The following AMPH variants were observed in gnomAD, a reference collection of about 807,000 sequenced individuals.
AMPH encodes the protein amphiphysin, also known as amphiphysin (Stiff-Mann syndrome with breast cancer 128kD autoantigen).
In AMPH, 49 loss-of-function variants were observed where a neutral mutation model predicts 99.1. That is an observed-to-expected ratio of 0.49 (90% CI 0.39 to 0.63). The LOEUF (loss-of-function observed/expected upper bound fraction) is 0.63. Ranked by LOEUF, AMPH falls within the 20% of genes least tolerant of loss-of-function variation. AMPH has a pLI of 0.00. For synonymous variants in AMPH, 314 were observed against 317.3 expected (o/e 0.99, Z 0.11); for missense variants, 759 against 863.4 (o/e 0.88, Z 1.52).
At chr7:38,530,623 T>G (rs1305963162) in intron 2 of AMPH, among the ~76,000 whole-genome samples, 1 of 152,192 alleles carries the variant, frequency 6.6e-6, no homozygotes. Context: ...TTAGCACACT[T>G]GCCACAGGTG....
At chr7:38,543,012 T>G (rs988469018) in intron 1 of AMPH, among the ~76,000 whole-genome samples, 14 of 151,788 alleles carry the variant, frequency 9.2e-5, no homozygotes, top group Non-Finnish European at 1.5e-5. Context: ...AAGAATCACT[T>G]GAACCCAGGA....
At chr7:38,452,293 C>A (rs142020928) in intron 11 of AMPH, among the ~76,000 whole-genome samples, 1 of 152,144 alleles carries the variant, frequency 6.6e-6, no homozygotes, top group African/African-American at 2.4e-5. Context: ...TAAATGTAGA[C>A]GGATCATCCT....
intron 1 of AMPH, among the ~76,000 whole-genome samples, chr7:38,573,624 A>G (rs945614009): frequency 6.6e-6 from 1 of 152,206 alleles, no homozygotes; most frequent in African/African-American, 2.4e-5. Context: ...TCTAATGTTC[A>G]TGTAGTCAAA....
At chr7:38,518,212 T>G (rs1789824766) in intron 2 of AMPH, among the ~76,000 whole-genome samples, 1 of 152,230 alleles carries the variant, frequency 6.6e-6, no homozygotes, top group African/African-American at 2.4e-5. Context: ...AAATGGCTTC[T>G]TCCTCCCATA....
At chr7:38,610,234 CAAAAAAAAAAAAAAAA>C (rs544036143) in intron 1 of AMPH, among the ~76,000 whole-genome samples, 1,108 of 6,018 alleles carry the variant, frequency 0.18, 133 homozygotes, top group Middle Eastern at 0.25. Context: ...TAAGCTCTCT[CAAAAAAAAAAAAAAAA>C]AAAAAAAAAA....
At chr7:38,584,657 T>A (rs1454692468) in intron 1 of AMPH, among the ~76,000 whole-genome samples, 1 of 152,028 alleles carries the variant, frequency 6.6e-6, no homozygotes, top group Admixed American at 6.6e-5. Context: ...GAAAAGAACC[T>A]CCTAGAGATT....
intron 16 of AMPH, among the ~76,000 whole-genome samples, chr7:38,421,896 C>T (rs1430218521): frequency 9.9e-5 from 15 of 152,176 alleles, no homozygotes; most frequent in Admixed American, 9.8e-4. Context: ...TTCTCTAACG[C>T]CAGGAGTAAC....
chr7:38,466,829 G>A (rs899423082), intron 7 of AMPH, among the ~76,000 whole-genome samples: 4 of 152,076 alleles, frequency 2.6e-5, no homozygotes, highest in East Asian at 1.9e-4. Context: ...AAATAAGAGC[G>A]TGTCATCACT....
chr7:38,494,191 T>C (rs748436208), intron 4 of AMPH, among the ~76,000 whole-genome samples: 6 of 152,202 alleles, frequency 3.9e-5, no homozygotes, highest in Non-Finnish European at 7.3e-5. Context: ...ACTCCTGACC[T>C]CAGGCAATTC....
At chr7:38,534,808 T>TA in intron 2 of AMPH, 123 bp downstream of exon 2, 1 of 752,614 alleles carries the variant, frequency 1.3e-6, no homozygotes, top group Non-Finnish European at 2.2e-6. Context: ...TAGCAAGTGT[T>TA]ACTCTCAAGT....
intron 5 of AMPH, among the ~76,000 whole-genome samples, chr7:38,488,613 T>C (rs1418804660): frequency 2.0e-5 from 3 of 152,140 alleles, no homozygotes; most frequent in Non-Finnish European, 2.9e-5. Flanking sequence ...GGCACACGTA[T>C]ACCTATGTAA....
At chr7:38,465,881 C>T (rs559715196) in intron 8 of AMPH, among the ~76,000 whole-genome samples, 62 of 152,264 alleles carry the variant, frequency 4.1e-4, no homozygotes, top group Admixed American at 4.0e-3. Context: ...TATCTAAATA[C>T]TTTGAGAGCA....
intron 1 of AMPH, among the ~76,000 whole-genome samples, chr7:38,551,773 C>T (rs756507903): frequency 3.3e-5 from 5 of 152,162 alleles, no homozygotes; most frequent in Non-Finnish European, 7.4e-5. Context: ...ACATCCGTGG[C>T]TGCACATCCC....
intron 5 of AMPH, among the ~76,000 whole-genome samples, chr7:38,487,792 T>G (rs901788264): frequency 1.3e-5 from 2 of 151,538 alleles, no homozygotes; most frequent in African/African-American, 4.8e-5. Flanking sequence ...AGGGCTAATA[T>G]CCAGAATCTA....
intron 3 of AMPH, among the ~76,000 whole-genome samples, chr7:38,495,196 C>T (rs1203649187): frequency 6.6e-6 from 1 of 152,116 alleles, no homozygotes; most frequent in Non-Finnish European, 1.5e-5. Context: ...TTACCCAAGG[C>T]TAATTCATAT....
At chr7:38,489,849 C>T (rs1224554740) in intron 5 of AMPH, among the ~76,000 whole-genome samples, 2 of 151,990 alleles carry the variant, frequency 1.3e-5, no homozygotes, top group East Asian at 1.9e-4. Flanking sequence ...ATTTCAGTTA[C>T]GTAAGATGAA....
intron 1 of AMPH, among the ~76,000 whole-genome samples, chr7:38,552,930 C>T (rs916292418): frequency 3.9e-5 from 6 of 152,210 alleles, no homozygotes; most frequent in Non-Finnish European, 8.8e-5. Context: ...CTGCCAGCCC[C>T]AAATCCAATC....
At position 38,422,575 on chromosome 7, in the gene AMPH, T is replaced by C. The variant is rs1030509908; in HGVS notation, c.1216-98A>G. ...CTACGTATCTATCTATCTATCTATCTATCTATCTATCTATCTATCTATCTA... is the reference window on the plus strand; with the variant it reads ...CTACGTATCTATCTATCTATCTATCCATCTATCTATCTATCTATCTATCTA... On this transcript the variant is annotated intron_variant, in intron 15 of 20. Transcript: ENST00000356264. 1.4e-4 allele frequency: 107 copies of C among 749,164 alleles called. 2 individuals carry two copies. Among genetic ancestry groups the C allele is most frequent in the South Asian group, 1.0e-3 (60 of 58,014 alleles). 46.4% of individuals were successfully genotyped at this position (749,164 alleles called of 1,614,324 possible). A position where few individuals can be genotyped will look rare whatever the true frequency, so the allele number is the denominator to read the frequency against.
At chr7:38,389,983 C>T (rs34824107) in intron 19 of AMPH, 78 bp from the exon 20 acceptor site, 56 of 1,133,012 alleles carry the variant, frequency 4.9e-5, no homozygotes, top group Non-Finnish European at 6.1e-5. Context: ...CACTCTCCAA[C>T]CTGGATGAAA....
Sources: gnomAD v4.1 joint callset for allele counts (sites outside exome capture counted in the v4.1 genomes callset) on GRCh38, gnomAD v4.1.1 for gene constraint, MANE v1.5 for transcripts, NCBI Gene and HGNC (gene_info 2026-07-23, HGNC 2026-07-21) for gene names.